The following RAP1A variants were observed in gnomAD, a reference collection of about 807,000 sequenced individuals.
The protein encoded by RAP1A is RAP1A, member of RAS oncogene family, also known as ras-related protein Rap-1A.
A neutral mutation model predicts 26.4 loss-of-function variants in RAP1A; 6 were observed. That is an observed-to-expected ratio of 0.23 (90% CI 0.12 to 0.45). The LOEUF (loss-of-function observed/expected upper bound fraction) is 0.45, where lower values mean the gene tolerates loss of function less well. RAP1A is among the 20% of genes least tolerant of loss of function. RAP1A has a pLI of 0.99. For synonymous variants in RAP1A, 73 were observed against 79.4 expected (o/e 0.92, Z 0.43); for missense variants, 121 against 217.2 (o/e 0.56, Z 2.78).
chr1:111,691,068 C>T (rs1661651359), intron 1 of RAP1A, among the ~76,000 whole-genome samples: 1 of 152,170 alleles, frequency 6.6e-6, no homozygotes, highest in South Asian at 2.1e-4. Context: ...ATTTAATCAT[C>T]TTGTTTTCTA....
intron 1 of RAP1A, among the ~76,000 whole-genome samples, chr1:111,673,814 G>A (rs1661046093): frequency 6.6e-6 from 1 of 152,112 alleles, no homozygotes; most frequent in African/African-American, 2.4e-5. Context: ...TTCTTATTGG[G>A]AGTTCATTTG....
intron 1 of RAP1A, among the ~76,000 whole-genome samples, chr1:111,570,621 A>G (rs1191581892): frequency 2.0e-5 from 3 of 152,182 alleles, no homozygotes. Flanking sequence ...TATTTAACTC[A>G]TGGTTCTGCA....
chr1:111,600,938 G>A (rs1373131605), intron 1 of RAP1A, among the ~76,000 whole-genome samples: 1 of 152,178 alleles, frequency 6.6e-6, no homozygotes, highest in Non-Finnish European at 1.5e-5. Flanking sequence ...ATGCATGTGA[G>A]CGGAGTGAGT....
At chr1:111,651,729 G>A (rs925705237) in intron 1 of RAP1A, among the ~76,000 whole-genome samples, 10 of 151,798 alleles carry the variant, frequency 6.6e-5, no homozygotes, top group Admixed American at 3.3e-4. Flanking sequence ...TGCCTGCCTC[G>A]GCCTCCCAAA....
chr1:111,673,926 T>C (rs1661049402), intron 1 of RAP1A, among the ~76,000 whole-genome samples: 1 of 152,214 alleles, frequency 6.6e-6, no homozygotes, highest in South Asian at 2.1e-4. Flanking sequence ...TAAAATTTTC[T>C]ATACATACTC....
chr1:111,679,476 C>T (rs1280462704), intron 1 of RAP1A, among the ~76,000 whole-genome samples: 1 of 152,080 alleles, frequency 6.6e-6, no homozygotes, highest in African/African-American at 2.4e-5. Context: ...TTTGAGCAGA[C>T]ACTGAGCTAG....
At chr1:111,546,473 T>C (rs1307545656) in intron 1 of RAP1A, among the ~76,000 whole-genome samples, 2 of 152,144 alleles carry the variant, frequency 1.3e-5, no homozygotes, top group Non-Finnish European at 2.9e-5. Context: ...TTTCTGTCTC[T>C]GTGAATTGGA....
At chr1:111,593,652 C>CTTTTTTTTTTTTTTT (rs994763442) in intron 1 of RAP1A, among the ~76,000 whole-genome samples, 3 of 65,406 alleles carry the variant, frequency 4.6e-5, no homozygotes, top group African/African-American at 1.2e-4. Flanking sequence ...ATGACTCCTA[C>CTTTTTTTTTTTTTTT]TTTTTTTTTT....
chr1:111,654,233 TA>T (rs749297446), intron 1 of RAP1A, among the ~76,000 whole-genome samples: 2 of 152,230 alleles, frequency 1.3e-5, no homozygotes, highest in Non-Finnish European at 2.9e-5. Context: ...CCATCTTTTT[TA>T]TTTTTTTTAA....
intron 5 of RAP1A, 70 bp from the exon 6 acceptor site, chr1:111,704,273 T>C (rs994253492): frequency 5.3e-6 from 8 of 1,501,392 alleles, no homozygotes; most frequent in Middle Eastern, 2.2e-4. Flanking sequence ...AGATAATTGC[T>C]TATTTATTTT....
At chr1:111,618,025 G>A (rs1015366973), upstream of RAP1A, among the ~76,000 whole-genome samples, 2 of 139,824 alleles carry the variant, frequency 1.4e-5, no homozygotes, top group South Asian at 4.6e-4. Context: ...CCTAGCAACA[G>A]AGCAAGACTC....
At chr1:111,682,983 G>A (rs1661347614) in intron 1 of RAP1A, among the ~76,000 whole-genome samples, 2 of 152,168 alleles carry the variant, frequency 1.3e-5, no homozygotes, top group Non-Finnish European at 2.9e-5. Context: ...AGACCACAGT[G>A]CAGTCAAATT....
intron 1 of RAP1A, among the ~76,000 whole-genome samples, chr1:111,575,378 C>T (rs1242516578): frequency 6.6e-6 from 1 of 152,152 alleles, no homozygotes; most frequent in Non-Finnish European, 1.5e-5. Context: ...GTCTCAAACT[C>T]CTGGCCTCAA....
At chr1:111,565,709 ACTT>A (rs1437922274) in intron 1 of RAP1A, among the ~76,000 whole-genome samples, 2 of 152,190 alleles carry the variant, frequency 1.3e-5, no homozygotes, top group East Asian at 3.8e-4. Flanking sequence ...TGGTAGGACT[ACTT>A]CTACTTTTGT....
chr1:111,666,922 T>G (rs922268869), intron 1 of RAP1A, among the ~76,000 whole-genome samples: 1 of 86,072 alleles, frequency 1.2e-5, no homozygotes, highest in Admixed American at 1.2e-4. Flanking sequence ...GTGGCTGTCA[T>G]AGAGAGTAAA....
chr1:111,622,041 A>G (rs1432740479), intron 1 of RAP1A, among the ~76,000 whole-genome samples: 1 of 152,250 alleles, frequency 6.6e-6, no homozygotes, highest in African/African-American at 2.4e-5. Flanking sequence ...AATTATTTTA[A>G]TAGATGGGAA....
intron 1 of RAP1A, among the ~76,000 whole-genome samples, chr1:111,590,611 G>C (rs1285765991): frequency 6.8e-6 from 1 of 147,460 alleles, no homozygotes; most frequent in African/African-American, 2.5e-5. Context: ...TTTTTTAAGA[G>C]ATGGGGTCTC....
chr1:111,589,883 C>T (rs540568597), intron 1 of RAP1A, among the ~76,000 whole-genome samples: 1 of 152,158 alleles, frequency 6.6e-6, no homozygotes, highest in African/African-American at 2.4e-5. Flanking sequence ...CCTCAGCCTC[C>T]TGAGTAGCTG....
At chr1:111,572,278 C>T (rs1183833225) in intron 1 of RAP1A, among the ~76,000 whole-genome samples, 1 of 152,240 alleles carries the variant, frequency 6.6e-6, no homozygotes, top group Non-Finnish European at 1.5e-5. Context: ...AGATGGCAAA[C>T]TCAGAGAGGA....
Sources: gnomAD v4.1 joint callset for allele counts (sites outside exome capture counted in the v4.1 genomes callset) on GRCh38, gnomAD v4.1.1 for gene constraint, MANE v1.5 for transcripts, NCBI Gene and HGNC (gene_info 2026-07-23, HGNC 2026-07-21) for gene names.